Variants in NIPBL observed in about 807,000 individuals in gnomAD.
NIPBL encodes NIPBL cohesin loading factor, also known as nipped-B-like protein.
In NIPBL, 19 loss-of-function variants were observed where a neutral mutation model predicts 321.8. The observed-to-expected ratio is 0.06, with a 90% CI of 0.04 to 0.09. The LOEUF (loss-of-function observed/expected upper bound fraction) is 0.09. NIPBL is among the 10% of genes least tolerant of loss of function. The pLI is 1.00. For synonymous variants in NIPBL, 1,106 were observed against 1,114.1 expected, an observed-to-expected ratio of 0.99 and a Z score of 0.14; for missense variants, 2,210 against 3,327.0, an observed-to-expected ratio of 0.66 and a Z score of 8.26.
rs140166229 is a variant in NIPBL, at chr5:36,993,076, C to T, written c.3122-2546C>T. Among the ~76,000 whole-genome samples, 4 of 152,104 alleles carry T rather than the reference C, an allele frequency of 2.6e-5. No homozygotes were observed. In the East Asian group the frequency reaches 5.8e-4, roughly 22 times the overall value. On this transcript the variant is annotated intron_variant, in intron 10 of 46. Coordinates refer to ENST00000282516, the MANE Select transcript of NIPBL (RefSeq NM_133433.4). ...TTATCTTTGTAATCAAGCAACCTGG[C>T]GGAGTCCATTTATAAAGAGCTTCAT...
chr5:37,007,695 T>G (rs1329098534), intron 18 of NIPBL, among the ~76,000 whole-genome samples: 1 of 152,000 alleles, frequency 6.6e-6, no homozygotes, highest in African/African-American at 2.4e-5. Flanking sequence ...TCTAAATTCT[T>G]TGAAAGATGG....
intron 1 of NIPBL, among the ~76,000 whole-genome samples, chr5:36,901,161 G>GT (rs989759268): frequency 2.0e-5 from 3 of 152,112 alleles, no homozygotes; most frequent in Non-Finnish European, 4.4e-5. Context: ...TGTGGTCTAT[G>GT]TTTAGCTCCC....
chr5:37,057,338 TTACACACATTAC>T lies in NIPBL; in HGVS notation c.7410+9_7410+20del. The T allele has an allele frequency of 6.2e-7, 1 of 1,611,748 alleles. No individual in the cohort carries two copies. The highest frequency in any genetic ancestry group is 8.5e-7 in the Non-Finnish European group (1 of 1,178,138). On this transcript the variant is annotated splice_region_variant and intron_variant, in intron 43 of 46. Coordinates refer to ENST00000282516, the MANE Select transcript of NIPBL (RefSeq NM_133433.4). ...TACTGCAGTCATTCAAGGAGGTAAG[TTACACACATTAC>T]TATTCTTAATCCATCTGTCAAAGTG... is the stretch of plus-strand genomic sequence containing the variant.
intron 45 of NIPBL, among the ~76,000 whole-genome samples, chr5:37,062,385 T>C (rs1754817828): frequency 6.6e-6 from 1 of 152,182 alleles, no homozygotes; most frequent in Admixed American, 6.5e-5. Flanking sequence ...AATGCCAATA[T>C]ATATATATGT....
At chr5:37,062,941 A>G (rs559900700) in intron 45 of NIPBL, among the ~76,000 whole-genome samples, 6 of 152,190 alleles carry the variant, frequency 3.9e-5, no homozygotes, top group Non-Finnish European at 7.4e-5. Flanking sequence ...AAAAAAAAAA[A>G]GGGTTAAGCT....
At chr5:36,884,527 A>G (rs1464129069) in intron 1 of NIPBL, among the ~76,000 whole-genome samples, 1 of 152,192 alleles carries the variant, frequency 6.6e-6, no homozygotes, top group Non-Finnish European at 1.5e-5. Flanking sequence ...TAGCATTTGT[A>G]CAGTTTTTTA....
rs117054331 is a variant in NIPBL at position 36,946,667 on chromosome 5, G to A, written c.-79-6951G>A. 1.3e-4 allele frequency among the ~76,000 whole-genome samples: 19 copies of A among 151,884 alleles called. No homozygotes were observed. The East Asian group carries it at 3.7e-3, about 29-fold the overall frequency. On this transcript the variant is annotated intron_variant, in intron 1 of 46. Transcript: ENST00000282516. ...ACCAAAAAAATTAACATTAGCAAAG[G>A]TGTTAATTAGCTAAATATTCCACAT...
intron 1 of NIPBL, among the ~76,000 whole-genome samples, chr5:36,916,362 G>A (rs182435912): frequency 5.4e-4 from 82 of 152,276 alleles, no homozygotes; most frequent in Non-Finnish European, 5.0e-4. Flanking sequence ...CAATTAATTA[G>A]CATCTGACTA....
intron 1 of NIPBL, among the ~76,000 whole-genome samples, chr5:36,928,437 A>G (rs944177288): frequency 6.6e-6 from 1 of 152,362 alleles, no homozygotes; most frequent in Non-Finnish European, 1.5e-5. Flanking sequence ...AGTATGTACA[A>G]TAAATGTTTT....
intron 32 of NIPBL, among the ~76,000 whole-genome samples, chr5:37,028,333 C>CTTTTTTTT (rs10676635): frequency 2.2e-4 from 23 of 102,510 alleles, no homozygotes; most frequent in Admixed American, 4.8e-4. Flanking sequence ...TTCCATAATA[C>CTTTTTTTT]TTTTTTTTTT....
intron 11 of NIPBL, 57 bp from the exon 12 acceptor site, chr5:37,000,316 A>G (rs923253004): frequency 2.6e-6 from 4 of 1,537,510 alleles, no homozygotes; most frequent in Non-Finnish European, 3.6e-6. Flanking sequence ...GTAAAGTACA[A>G]GTTTTAATCA....
chr5:37,063,813 G>A lies in NIPBL; in HGVS notation c.7884G>A (p.Leu2628=). The A allele has an allele frequency of 6.2e-7, 1 of 1,613,772 alleles. No homozygotes were observed. The highest frequency in any genetic ancestry group is 1.1e-5 in the South Asian group (1 of 91,002). The part of the protein sequence containing the change: ...YLDFKLLMEH[L]DPDEEEEEGE... Reference sequence around the variant, plus strand: ...AGTTCAAACTTCTCATGGAACATCTGGACCCTGATGAAGAAGAAGAAGAAG... The same window carrying A: ...AGTTCAAACTTCTCATGGAACATCTAGACCCTGATGAAGAAGAAGAAGAAG... The change falls in exon 46 of 47, where the codon CTG becomes CTA. Residue 2628 remains leucine, a synonymous_variant. Coordinates refer to ENST00000282516, the MANE Select transcript of NIPBL (RefSeq NM_133433.4).
chr5:37,000,228 T>TA, intron 11 of NIPBL, 145 bp from the exon 12 acceptor site: 1 of 732,028 alleles, frequency 1.4e-6, no homozygotes, highest in Non-Finnish European at 2.2e-6. Flanking sequence ...TATCATAACT[T>TA]AAACTTCTGG....
At chr5:36,913,765 T>C (rs1748234370) in intron 1 of NIPBL, among the ~76,000 whole-genome samples, 1 of 152,212 alleles carries the variant, frequency 6.6e-6, no homozygotes, top group African/African-American at 2.4e-5. Context: ...CTATTGATTA[T>C]GGGAAATTGT....
intron 1 of NIPBL, among the ~76,000 whole-genome samples, chr5:36,952,778 A>G (rs534097888): frequency 6.6e-6 from 1 of 152,362 alleles, no homozygotes; most frequent in South Asian, 2.1e-4. Context: ...TGTGACTTGT[A>G]AGAAACATGT....
intron 28 of NIPBL, 21 bp downstream of exon 28, chr5:37,022,170 T>C: frequency 6.2e-7 from 1 of 1,613,442 alleles, no homozygotes; most frequent in South Asian, 1.1e-5. Context: ...AAAATGATTC[T>C]TTCTTTTCTA....
chr5:37,017,505 T>C (rs187859204), intron 24 of NIPBL, among the ~76,000 whole-genome samples: 18 of 152,166 alleles, frequency 1.2e-4, no homozygotes, highest in African/African-American at 3.6e-4. Context: ...TTTTGTACTT[T>C]TGAATGTTTT....
chr5:36,917,442 T>C (rs1001617751), intron 1 of NIPBL, among the ~76,000 whole-genome samples: 2 of 152,216 alleles, frequency 1.3e-5, no homozygotes, highest in African/African-American at 4.8e-5. Flanking sequence ...GTAGGTTGCC[T>C]CTTCACTCTG....
intron 41 of NIPBL, 71 bp downstream of exon 41, chr5:37,051,957 C>G: frequency 9.5e-7 from 1 of 1,055,246 alleles, no homozygotes; most frequent in South Asian, 1.3e-5. Context: ...TTGATAAATG[C>G]TCTGCCCACA....
Sources: allele counts gnomAD v4.1 joint callset (sites outside exome capture counted in the v4.1 genomes callset), GRCh38; gene constraint gnomAD v4.1.1; transcripts MANE v1.5; gene names NCBI Gene and HGNC (gene_info 2026-07-23, HGNC 2026-07-21).